The following NIPBL variants were observed in gnomAD, a reference collection of about 807,000 sequenced individuals.
NIPBL encodes nipped-B-like protein.
In NIPBL, 19 loss-of-function variants were observed where a neutral mutation model predicts 321.8. The observed-to-expected ratio is 0.06, with a 90% CI of 0.04 to 0.09. The LOEUF (loss-of-function observed/expected upper bound fraction) is 0.09. Among genes scored for constraint, NIPBL ranks in the 10% least tolerant of loss-of-function variants. NIPBL has a pLI of 1.00. For missense variants in NIPBL, 2,210 were observed against 3,327.0 expected, an observed-to-expected ratio of 0.66 and a Z score of 8.26; for synonymous variants, 1,106 against 1,114.1, an observed-to-expected ratio of 0.99 and a Z score of 0.14.
rs1056785818 is a variant in NIPBL, at chr5:36,940,320, T to G, written c.-79-13298T>G. On this transcript the variant is annotated intron_variant, in intron 1 of 46. Transcript: ENST00000282516. ...TGTATGTAAATAACCAGTAGATTAT[T>G]TTTTGAAGTAGCATGAGTCAAAATA... Among the ~76,000 whole-genome samples, 13 of 152,194 alleles carry G rather than the reference T, an allele frequency of 8.5e-5. 1 individual carries two copies. The highest frequency in any genetic ancestry group is 6.5e-4 in the Admixed American group (10 of 15,274).
intron 1 of NIPBL, among the ~76,000 whole-genome samples, chr5:36,899,336 TA>T (rs967188588): frequency 1.5e-4 from 23 of 151,042 alleles, no homozygotes; most frequent in African/African-American, 4.6e-4. Flanking sequence ...TTGCCTGCAT[TA>T]AAAAAAAAGT....
At chr5:37,023,341 A>C (rs61546232) in intron 29 of NIPBL, among the ~76,000 whole-genome samples, 126 of 152,328 alleles carry the variant, frequency 8.3e-4, no homozygotes, top group African/African-American at 3.0e-3. Context: ...GATTGCTAAA[A>C]TCACATAATG....
intron 32 of NIPBL, among the ~76,000 whole-genome samples, chr5:37,028,300 TTTTC>T (rs1234861902): frequency 7.3e-5 from 11 of 151,486 alleles, no homozygotes; most frequent in Non-Finnish European, 1.6e-4. Flanking sequence ...GGTTTTCTCC[TTTTC>T]TTTCTTTCTT....
intron 33 of NIPBL, 141 bp downstream of exon 33, chr5:37,036,628 T>G: frequency 3.2e-6 from 1 of 309,034 alleles, no homozygotes; most frequent in Non-Finnish European, 6.1e-6. Flanking sequence ...ATTTTTGTTA[T>G]ATAGGTATCT....
chr5:37,044,849 G>C (rs1048153997), intron 36 of NIPBL, 120 bp downstream of exon 36: 24 of 729,762 alleles, frequency 3.3e-5, no homozygotes, highest in Non-Finnish European at 5.6e-5. Context: ...ATTATCCACC[G>C]TGGTCCTCTC....
Position 36,986,312 on chromosome 5 carries a change from T to G in NIPBL, c.3121+11T>G, listed in dbSNP as rs457583. 2,370 of 1,454,432 alleles carry G rather than the reference T, an allele frequency of 1.6e-3. 35 individuals carry two copies. In the African/African-American group the frequency reaches 0.03, roughly 18 times the overall value. The allele number at this position is 1,454,432 out of a possible 1,614,324, so 90.1% of individuals were successfully genotyped here. On this transcript the variant is annotated intron_variant, in intron 10 of 46. Coordinates refer to ENST00000282516, the MANE Select transcript of NIPBL (RefSeq NM_133433.4). ...CAAAGTCAAATAAAGGTAAGAATAC[T>G]TCTACTGATGTCATTTATAATATAA...
chr5:36,921,262 C>G (rs1203302674), intron 1 of NIPBL, among the ~76,000 whole-genome samples: 2 of 151,502 alleles, frequency 1.3e-5, no homozygotes, highest in South Asian at 4.2e-4. Context: ...TCTGGTTTGA[C>G]TACTATTTTG....
intron 16 of NIPBL, among the ~76,000 whole-genome samples, chr5:37,005,521 C>T (rs1747328594): frequency 6.6e-6 from 1 of 152,176 alleles, no homozygotes; most frequent in African/African-American, 2.4e-5. Flanking sequence ...TTAACTGACT[C>T]TTCCAAACAA....
chr5:36,950,586 A>C (rs1740176185), intron 1 of NIPBL, among the ~76,000 whole-genome samples: 1 of 152,208 alleles, frequency 6.6e-6, no homozygotes, highest in East Asian at 1.9e-4. Context: ...TCAACCCACT[A>C]AATTTATTTT....
At chr5:36,990,739 T>C (rs1449672362) in intron 10 of NIPBL, among the ~76,000 whole-genome samples, 1 of 152,178 alleles carries the variant, frequency 6.6e-6, no homozygotes, top group African/African-American at 2.4e-5. Flanking sequence ...AGATTGTTCA[T>C]ACAAATATTG....
At position 37,000,498 on chromosome 5, in the gene NIPBL, G is replaced by A; in HGVS notation, c.3430G>A (p.Gly1144Ser). The stretch of plus-strand genomic sequence containing the variant: ...TGAAGGAAGAAGGAGTTCAGGTGGT[G>A]GTCGTTATCGAAACCGAAGTCCGTC... Reference protein sequence around the residue: ...SHEGRRSSGGGRYRNRSPSDS... With the variant: ...SHEGRRSSGGSRYRNRSPSDS... The change falls in exon 12 of 47, where the codon GGT (glycine) becomes AGT (serine). Residue 1144 changes from glycine (G) to serine (S), a missense_variant. This residue lies in a region of NIPBL where 381 missense variants were observed against 642.3 expected (regional missense o/e 0.59). Transcript: ENST00000282516. 1 of 1,613,474 alleles carries A rather than the reference G, an allele frequency of 6.2e-7. No homozygotes were observed. The highest frequency in any genetic ancestry group is 1.1e-5 in the South Asian group (1 of 91,058).
intron 1 of NIPBL, among the ~76,000 whole-genome samples, chr5:36,909,858 A>C (rs1747914194): frequency 6.6e-6 from 1 of 152,182 alleles, no homozygotes; most frequent in Admixed American, 6.5e-5. Flanking sequence ...TGGGCAGATC[A>C]CAAGGTCAAG....
intron 10 of NIPBL, among the ~76,000 whole-genome samples, chr5:36,990,187 A>G (rs966193332): frequency 1.3e-5 from 2 of 152,194 alleles, no homozygotes; most frequent in Non-Finnish European, 2.9e-5. Flanking sequence ...TTAATAGTCA[A>G]TAGCGATTAG....
At chr5:36,890,543 C>T (rs1408076023) in intron 1 of NIPBL, among the ~76,000 whole-genome samples, 2 of 152,144 alleles carry the variant, frequency 1.3e-5, no homozygotes, top group African/African-American at 4.8e-5. Context: ...ATATTTTTAA[C>T]CTCTTGATGA....
At chr5:36,952,051 T>TGTGTGTGTGTGTGC (rs748400484) in intron 1 of NIPBL, among the ~76,000 whole-genome samples, 7 of 102,802 alleles carry the variant, frequency 6.8e-5, no homozygotes, top group East Asian at 2.8e-4. Flanking sequence ...TGTGTGTGTG[T>TGTGTGTGTGTGTGC]GTGCGCGCGC....
intron 39 of NIPBL, 77 bp from the exon 40 acceptor site, chr5:37,049,034 T>G: frequency 1.4e-6 from 2 of 1,452,814 alleles, no homozygotes; most frequent in Non-Finnish European, 1.9e-6. Flanking sequence ...ATTTTGGTTA[T>G]GGCCTAATTT....
At chr5:37,059,945 G>A (rs1381970959) in intron 44 of NIPBL, among the ~76,000 whole-genome samples, 1 of 152,132 alleles carries the variant, frequency 6.6e-6, no homozygotes, top group African/African-American at 2.4e-5. Context: ...CTGTAACCAT[G>A]GAATTTTGGT....
Position 36,877,153 on chromosome 5 carries a change from T to C in NIPBL, c.-105T>C, listed in dbSNP as rs1381221162. 1.5e-5 allele frequency: 4 copies of C among 273,634 alleles called. No individual in the cohort carries two copies. The highest frequency in any genetic ancestry group is 4.6e-5 in the African/African-American group (2 of 43,020). The allele number at this position is 273,634 out of a possible 1,614,324, so 17.0% of individuals were successfully genotyped here. On this transcript the variant is annotated 5_prime_UTR_variant, in exon 1 of 47. Transcript: ENST00000282516. ...TCGCCACAGCGGCCTCGGCCTCCCC[T>C]TGGATTCAGACGCCGATTCGCCCAG...
intron 1 of NIPBL, among the ~76,000 whole-genome samples, chr5:36,941,201 G>A (rs1739022754): frequency 6.6e-6 from 1 of 152,078 alleles, no homozygotes; most frequent in South Asian, 2.1e-4. Context: ...TCAAGTTCAG[G>A]CAATTCAGTA....
Sources: gnomAD v4.1 joint callset for allele counts (sites outside exome capture counted in the v4.1 genomes callset) on GRCh38, gnomAD v4.1.1 for gene constraint, gnomAD v4.1.1 regional missense constraint, MANE v1.5 for transcripts, NCBI Gene and HGNC (gene_info 2026-07-23, HGNC 2026-07-21) for gene names.